EXOC6B: variants seen among roughly 807,000 people sequenced by gnomAD.
EXOC6B encodes the protein exocyst complex component 6B.
In EXOC6B, 54 loss-of-function variants were observed where a neutral mutation model predicts 113.5. The ratio of observed to expected loss-of-function variants is 0.48; its 90% confidence interval spans 0.38 to 0.60. The LOEUF (loss-of-function observed/expected upper bound fraction) is 0.60. Among genes scored for constraint, EXOC6B ranks in the 20% least tolerant of loss-of-function variants. EXOC6B has a pLI of 0.00. For missense variants in EXOC6B, 797 were observed against 977.5 expected, an observed-to-expected ratio of 0.82 and a Z score of 2.46; for synonymous variants, 357 against 339.0, an observed-to-expected ratio of 1.05 and a Z score of -0.58.
intron 18 of EXOC6B, among the ~76,000 whole-genome samples, chr2:72,455,933 C>G (rs1358342830): frequency 3.3e-5 from 5 of 151,952 alleles, no homozygotes; most frequent in Non-Finnish European, 7.4e-5. Flanking sequence ...TAAGAGACAG[C>G]TTGATATAGT....
At chr2:72,767,870 C>CTT (rs1683180009) in intron 1 of EXOC6B, among the ~76,000 whole-genome samples, 1 of 128,348 alleles carries the variant, frequency 7.8e-6, no homozygotes, top group Admixed American at 8.6e-5. Context: ...AATTCCAGAA[C>CTT]TTTGGGAGGC....
intron 6 of EXOC6B, among the ~76,000 whole-genome samples, chr2:72,594,454 G>T: frequency 6.6e-6 from 1 of 152,148 alleles, no homozygotes; most frequent in East Asian, 1.9e-4. Flanking sequence ...GCTTTACAAT[G>T]ACCTATCTAA....
chr2:72,623,822 G>T (rs529380051), intron 6 of EXOC6B, among the ~76,000 whole-genome samples: 1 of 152,186 alleles, frequency 6.6e-6, no homozygotes, highest in South Asian at 2.1e-4. Context: ...ACACAACTTT[G>T]AAAGTAAGTA....
intron 8 of EXOC6B, among the ~76,000 whole-genome samples, chr2:72,553,326 C>T (rs1056214870): frequency 1.3e-5 from 2 of 152,046 alleles, no homozygotes; most frequent in African/African-American, 4.8e-5. Flanking sequence ...AAAGATCTTC[C>T]TCTTCCATGA....
At chr2:72,702,950 T>C (rs1383024974) in intron 6 of EXOC6B, among the ~76,000 whole-genome samples, 1 of 151,994 alleles carries the variant, frequency 6.6e-6, no homozygotes, top group African/African-American at 2.4e-5. Context: ...GTCAATTTTG[T>C]CTTTTGTTGC....
At chr2:72,503,165 TTAA>T (rs1161530857) in intron 11 of EXOC6B, among the ~76,000 whole-genome samples, 2 of 152,152 alleles carry the variant, frequency 1.3e-5, no homozygotes, top group African/African-American at 4.8e-5. Flanking sequence ...TGTGGTACAA[TTAA>T]TAACTGATGA....
At chr2:72,208,646 AG>A (rs1679980206) in intron 20 of EXOC6B, among the ~76,000 whole-genome samples, 1 of 152,234 alleles carries the variant, frequency 6.6e-6, no homozygotes, top group East Asian at 1.9e-4. Flanking sequence ...TTTTAAGTTC[AG>A]GTCTCATCTT....
intron 6 of EXOC6B, among the ~76,000 whole-genome samples, chr2:72,624,690 GAGCTATGATTGCACC>G (rs1671943110): frequency 1.3e-5 from 2 of 152,138 alleles, no homozygotes; most frequent in Admixed American, 1.3e-4. Context: ...AAGCTGCAGT[GAGCTATGATTGCACC>G]ACTGCACTCC....
chr2:72,453,680 T>C (rs968757786), intron 18 of EXOC6B, among the ~76,000 whole-genome samples: 7 of 152,174 alleles, frequency 4.6e-5, no homozygotes, highest in African/African-American at 1.7e-4. Context: ...CATTACACAG[T>C]TAAGGTTTTT....
At chr2:72,346,096 T>C (rs1308720124) in intron 19 of EXOC6B, among the ~76,000 whole-genome samples, 2 of 152,146 alleles carry the variant, frequency 1.3e-5, no homozygotes, top group African/African-American at 2.4e-5. Flanking sequence ...GGAAATGTGA[T>C]TAAAATTGAT....
intron 6 of EXOC6B, among the ~76,000 whole-genome samples, chr2:72,617,533 T>G (rs1671468473): frequency 7.0e-6 from 1 of 142,626 alleles, no homozygotes; most frequent in Non-Finnish European, 1.5e-5. Context: ...TTTTTTTTTT[T>G]TTTTTTGAGG....
At chr2:72,313,620 G>A (rs1005946422) in intron 20 of EXOC6B, among the ~76,000 whole-genome samples, 9 of 152,016 alleles carry the variant, frequency 5.9e-5, no homozygotes, top group Non-Finnish European at 1.0e-4. Context: ...CTTCACCTCC[G>A]CCACATCTGC....
chr2:72,385,290 A>G (rs1691934829), intron 18 of EXOC6B, among the ~76,000 whole-genome samples: 1 of 152,130 alleles, frequency 6.6e-6, no homozygotes, highest in African/African-American at 2.4e-5. Flanking sequence ...GTGCTGAGGA[A>G]ACTAGACATC....
intron 6 of EXOC6B, among the ~76,000 whole-genome samples, chr2:72,664,844 C>G (rs1423180377): frequency 1.3e-5 from 2 of 152,204 alleles, no homozygotes; most frequent in Non-Finnish European, 2.9e-5. Context: ...TGAGTGCTTT[C>G]CCAATGGCCT....
intron 18 of EXOC6B, among the ~76,000 whole-genome samples, chr2:72,392,404 C>A (rs188366097): frequency 1.3e-5 from 2 of 152,230 alleles, no homozygotes; most frequent in Non-Finnish European, 2.9e-5. Context: ...GAGGATTGAA[C>A]CCCAGCTCAG....
chr2:72,181,472 T>A (rs1452332457), intron 21 of EXOC6B, among the ~76,000 whole-genome samples: 1 of 152,210 alleles, frequency 6.6e-6, no homozygotes, highest in Admixed American at 6.5e-5. Flanking sequence ...TAGTTTTAGA[T>A]AGTTCCAAAG....
chr2:72,656,053 G>A (rs1674550987), intron 6 of EXOC6B, among the ~76,000 whole-genome samples: 1 of 152,008 alleles, frequency 6.6e-6, no homozygotes, highest in Non-Finnish European at 1.5e-5. Context: ...TTAAGGAAAT[G>A]TTGGAAATAA....
At chr2:72,460,685 A>G (rs919719187) in intron 18 of EXOC6B, among the ~76,000 whole-genome samples, 11 of 152,142 alleles carry the variant, frequency 7.2e-5, no homozygotes, top group Admixed American at 1.3e-4. Flanking sequence ...TTAGAATGGC[A>G]ATCATTAAAA....
chr2:72,409,401 TAA>T (rs1163349328), intron 18 of EXOC6B, among the ~76,000 whole-genome samples: 29 of 152,268 alleles, frequency 1.9e-4, no homozygotes, highest in Admixed American at 2.6e-4. Context: ...CATGCTGCTA[TAA>T]AGACACATGC....
Sources: allele counts gnomAD v4.1 joint callset (sites outside exome capture counted in the v4.1 genomes callset), GRCh38; gene constraint gnomAD v4.1.1; transcripts MANE v1.5; gene names NCBI Gene and HGNC (gene_info 2026-07-23, HGNC 2026-07-21).